Variants in RGS7 observed in about 807,000 individuals in gnomAD.
RGS7 encodes the protein regulator of G protein signaling 7.
A neutral mutation model predicts 81.1 loss-of-function variants in RGS7; 27 were observed. The observed-to-expected ratio is 0.33, with a 90% CI of 0.25 to 0.46. The LOEUF is 0.46. Ranked by LOEUF, RGS7 falls within the 20% of genes least tolerant of loss-of-function variation. The pLI is 1.00. For missense variants in RGS7, 396 were observed against 607.4 expected (o/e 0.65, Z 3.66); for synonymous variants, 208 against 207.7 (o/e 1.00, Z -0.01).
chr1:240,938,393 C>T lies in RGS7; in HGVS notation c.227-1687G>A, dbSNP rs578078905. On this transcript the variant is annotated intron_variant, in intron 4 of 18. Coordinates refer to ENST00000440928, the MANE Select transcript of RGS7 (RefSeq NM_001364886.1). ...GATTCTTACAGCAGTTCTAGGACAA[C>T]ATGGATCTATCTATATCTCCAGCCA... Among the ~76,000 whole-genome samples the T allele has an allele frequency of 1.1e-4, 17 of 152,314 alleles. No individual in the cohort carries two copies. In the South Asian group the frequency reaches 3.1e-3, roughly 28 times the overall value.
In RGS7 at chr1:240,966,372, T is replaced by C. The variant is rs1489985358; in HGVS notation, c.226+16707A>G. Among the ~76,000 whole-genome samples, 5 of 152,316 alleles carry C rather than the reference T, an allele frequency of 3.3e-5. No homozygotes were observed. The East Asian group carries it at 7.7e-4, about 23-fold the overall frequency. On this transcript the variant is annotated intron_variant, in intron 4 of 18. Transcript: ENST00000440928. The stretch of plus-strand genomic sequence containing the variant: ...ACATTATTTTAGGTTTAGAGATAAA[T>C]TTCCAGCAGAAGAATTTGTCTCTTT...
chr1:240,972,716 A>C (rs1388729417), intron 4 of RGS7, among the ~76,000 whole-genome samples: 31 of 111,930 alleles, frequency 2.8e-4, no homozygotes, highest in Non-Finnish European at 3.8e-4. Context: ...AAAAACAAAA[A>C]AAAAAACCCA....
intron 2 of RGS7, among the ~76,000 whole-genome samples, chr1:241,156,857 G>A (rs746115949): frequency 7.9e-5 from 12 of 152,178 alleles, no homozygotes; most frequent in Non-Finnish European, 1.5e-4. Context: ...AGGTCTGTGT[G>A]GCTGGGCCTG....
chr1:240,842,480 C>T (rs372289186), intron 9 of RGS7, among the ~76,000 whole-genome samples: 20 of 152,154 alleles, frequency 1.3e-4, no homozygotes, highest in Admixed American at 8.5e-4. Flanking sequence ...GTGTGAGCCA[C>T]TGCGCCTGGC....
chr1:241,350,317 T>C (rs112148984), intron 2 of RGS7, among the ~76,000 whole-genome samples: 1,875 of 152,274 alleles, frequency 0.012, 34 homozygotes, highest in African/African-American at 0.043. Context: ...CTGAATATGT[T>C]TAGGGTAGAC....
At position 241,164,926 on chromosome 1, in the gene RGS7, C is replaced by A. The variant is rs990624265; in HGVS notation, c.79-66164G>T. Among the ~76,000 whole-genome samples, 2 of 152,168 alleles carry A rather than the reference C, an allele frequency of 1.3e-5. No homozygotes were observed. Among genetic ancestry groups the A allele is most frequent in the Non-Finnish European group, 2.9e-5 (2 of 68,034 alleles). On this transcript the variant is annotated intron_variant, in intron 2 of 18. Transcript: ENST00000440928. This position sits in a 1 kb window ranked among gnomAD's most constrained non-coding sequence, Gnocchi z 4.1. ...GAACTCAAATGACTATAACCATAAT[C>A]GTAGAACTGAACTGTGTCATTCACA...
In RGS7 at chr1:241,021,349, A is replaced by T. The variant is rs1033071937; in HGVS notation, c.176-38220T>A. ...ATAATTTATCATTTCCAAACAAACAACAAAGGTTGTTTCAAAAATCCAGCT... is the reference window on the plus strand; with the variant it reads ...ATAATTTATCATTTCCAAACAAACATCAAAGGTTGTTTCAAAAATCCAGCT... On this transcript the variant is annotated intron_variant, in intron 3 of 18. Coordinates refer to ENST00000440928, the MANE Select transcript of RGS7 (RefSeq NM_001364886.1). Among the ~76,000 whole-genome samples, 10 of 152,150 alleles carry T rather than the reference A, an allele frequency of 6.6e-5. 1 individual carries two copies. The highest frequency in any genetic ancestry group is 5.2e-4 in the Admixed American group (8 of 15,264).
chr1:241,147,780 T>TTTTTTATATATATATATATATA (rs1428939736), intron 2 of RGS7, among the ~76,000 whole-genome samples: 4 of 44,604 alleles, frequency 9.0e-5, no homozygotes, highest in South Asian at 1.2e-3. Flanking sequence ...AGATTAAGTT[T>TTTTTTATATATATATATATATA]TATATATATA....
At chr1:241,321,663 A>G (rs1378895130) in intron 2 of RGS7, among the ~76,000 whole-genome samples, 1 of 152,232 alleles carries the variant, frequency 6.6e-6, no homozygotes, top group Non-Finnish European at 1.5e-5. Flanking sequence ...GAATTAAGAC[A>G]TATGTTATAT....
intron 2 of RGS7, among the ~76,000 whole-genome samples, chr1:241,324,047 T>C (rs1351044943): frequency 6.6e-6 from 1 of 152,160 alleles, no homozygotes; most frequent in Non-Finnish European, 1.5e-5. Context: ...CAAAGGGTTG[T>C]TATGAGAAAT....
chr1:240,943,097 CAT>C (rs1030726085), intron 4 of RGS7, among the ~76,000 whole-genome samples: 4 of 152,010 alleles, frequency 2.6e-5, no homozygotes, highest in Non-Finnish European at 5.9e-5. Flanking sequence ...AATAAGGTGA[CAT>C]AGAATAGATA....
At chr1:241,188,895 C>G (rs1288493460) in intron 2 of RGS7, among the ~76,000 whole-genome samples, 1 of 152,202 alleles carries the variant, frequency 6.6e-6, no homozygotes, top group African/African-American at 2.4e-5. Flanking sequence ...CTTCGAAATT[C>G]AGCAGAACTT....
chr1:240,955,979 A>G (rs1680345717), intron 4 of RGS7, among the ~76,000 whole-genome samples: 1 of 152,238 alleles, frequency 6.6e-6, no homozygotes, highest in Non-Finnish European at 1.5e-5. Context: ...ATGGGTTGTC[A>G]GGTATAGCAC....
chr1:241,209,779 G>A (rs553600034), intron 2 of RGS7, among the ~76,000 whole-genome samples: 15 of 152,320 alleles, frequency 9.8e-5, no homozygotes, highest in Non-Finnish European at 2.1e-4. Flanking sequence ...TGAGGCTGCA[G>A]TGAGCTGTGT....
chr1:241,219,767 T>C (rs916016246), intron 2 of RGS7, among the ~76,000 whole-genome samples: 1 of 151,202 alleles, frequency 6.6e-6, no homozygotes, highest in African/African-American at 2.5e-5. Flanking sequence ...TTGTTAAGCC[T>C]TTATTCACAA....
chr1:241,073,046 T>C (rs981778943), intron 3 of RGS7, among the ~76,000 whole-genome samples: 10 of 152,184 alleles, frequency 6.6e-5, no homozygotes, highest in East Asian at 1.9e-4. Context: ...TCATTTCTCA[T>C]GGTGCTGAGT....
At chr1:241,030,551 T>C (rs886229064) in intron 3 of RGS7, among the ~76,000 whole-genome samples, 5 of 145,488 alleles carry the variant, frequency 3.4e-5, no homozygotes, top group African/African-American at 1.3e-4. Flanking sequence ...CCACTTCCCA[T>C]CCAATTGCTC....
chr1:241,043,864 A>C (rs193032743), intron 3 of RGS7, among the ~76,000 whole-genome samples: 25 of 151,856 alleles, frequency 1.6e-4, no homozygotes, highest in Admixed American at 2.6e-4. Context: ...CCATTTTATA[A>C]AAAGGACTTG....
At chr1:240,819,466 C>T (rs964104515) in intron 10 of RGS7, among the ~76,000 whole-genome samples, 3 of 152,152 alleles carry the variant, frequency 2.0e-5, no homozygotes, top group Non-Finnish European at 2.9e-5. Context: ...CGAGGCCGGG[C>T]GTGGTGGCTC....
Sources: gnomAD v4.1 joint callset for allele counts (sites outside exome capture counted in the v4.1 genomes callset) on GRCh38, gnomAD v4.1.1 for gene constraint, Gnocchi (gnomAD v3.1) non-coding constraint, MANE v1.5 for transcripts, NCBI Gene and HGNC (gene_info 2026-07-23, HGNC 2026-07-21) for gene names.